SDK1: variants seen among roughly 807,000 people sequenced by gnomAD.
The protein encoded by SDK1 is sidekick cell adhesion molecule 1.
A neutral mutation model predicts 245.5 loss-of-function variants in SDK1; 157 were observed. The ratio of observed to expected loss-of-function variants is 0.64; its 90% confidence interval spans 0.56 to 0.73. The LOEUF (loss-of-function observed/expected upper bound fraction) is 0.73. Ranked by LOEUF, SDK1 falls within the 30% of genes least tolerant of loss-of-function variation. SDK1 has a pLI of 0.00. For synonymous variants in SDK1, 1,647 were observed against 1,278.5 expected (o/e 1.29, Z -6.15); for missense variants, 3,583 against 3,002.3 (o/e 1.19, Z -4.52).
At chr7:3,722,530 C>G (rs1423010170) in intron 4 of SDK1, among the ~76,000 whole-genome samples, 1 of 152,168 alleles carries the variant, frequency 6.6e-6, no homozygotes, top group Non-Finnish European at 1.5e-5. Flanking sequence ...CCTCTTCAAT[C>G]CTGTATCTAT....
At position 3,739,580 on chromosome 7, in the gene SDK1, A is replaced by G. The variant is rs573593821; in HGVS notation, c.714-81870A>G. 1.7e-3 allele frequency among the ~76,000 whole-genome samples: 265 copies of G among 152,240 alleles called. 1 individual carries two copies. Among genetic ancestry groups the G allele is most frequent in the African/African-American group, 6.1e-3 (253 of 41,544 alleles). The stretch of plus-strand genomic sequence containing the variant: ...AATATACTGTTGAGTCCCTCCAGTG[A>G]ATTTATTTGTTATTTTACCTTTTAA... On this transcript the variant is annotated intron_variant, in intron 4 of 44. Transcript: ENST00000404826.
At chr7:3,844,762 CAG>C (rs1460314061) in intron 5 of SDK1, among the ~76,000 whole-genome samples, 1 of 152,166 alleles carries the variant, frequency 6.6e-6, no homozygotes, top group African/African-American at 2.4e-5. Flanking sequence ...GCCTTGGAGA[CAG>C]AAGTCAGACC....
chr7:3,462,090 C>G (rs1780848855), intron 1 of SDK1, among the ~76,000 whole-genome samples: 1 of 152,142 alleles, frequency 6.6e-6, no homozygotes, highest in Non-Finnish European at 1.5e-5. Flanking sequence ...GCTGCCTCAG[C>G]CCACACCTTT....
At chr7:4,157,479 A>AAGGAAGGAAAGC (rs138212351) in intron 30 of SDK1, among the ~76,000 whole-genome samples, 2 of 102,474 alleles carry the variant, frequency 2.0e-5, no homozygotes, top group Admixed American at 1.0e-4. Flanking sequence ...GGAAGGAGGG[A>AAGGAAGGAAAGC]AGGAAGGGAG....
chr7:3,573,056 C>G (rs927803270), intron 1 of SDK1, among the ~76,000 whole-genome samples: 2 of 152,006 alleles, frequency 1.3e-5, no homozygotes, highest in African/African-American at 4.8e-5. Flanking sequence ...CCAGGCACAG[C>G]CAAGTGGGGC....
chr7:3,703,286 A>C (rs1311529101), intron 4 of SDK1, among the ~76,000 whole-genome samples: 1 of 152,196 alleles, frequency 6.6e-6, no homozygotes, highest in Non-Finnish European at 1.5e-5. Context: ...TCTGCATCAT[A>C]AAGGAGTGAG....
chr7:3,618,800 C>T (rs1781847844), intron 1 of SDK1, among the ~76,000 whole-genome samples: 1 of 152,152 alleles, frequency 6.6e-6, no homozygotes, highest in Admixed American at 6.5e-5. Context: ...CCGATATGTC[C>T]CTTCAATAAG....
chr7:3,803,775 G>C (rs1779170855), intron 4 of SDK1, among the ~76,000 whole-genome samples: 1 of 127,058 alleles, frequency 7.9e-6, no homozygotes, highest in Non-Finnish European at 1.6e-5. Context: ...TTGAGACAGA[G>C]TCTGGCCTGT....
chr7:3,352,377 T>G (rs1780682969), intron 1 of SDK1, among the ~76,000 whole-genome samples: 1 of 152,078 alleles, frequency 6.6e-6, no homozygotes, highest in African/African-American at 2.4e-5. Context: ...AGTAATTGTT[T>G]GAGCTAAATG....
At chr7:3,569,506 C>T (rs1299293091) in intron 1 of SDK1, among the ~76,000 whole-genome samples, 1 of 152,256 alleles carries the variant, frequency 6.6e-6, no homozygotes, top group Non-Finnish European at 1.5e-5. Flanking sequence ...CTCTGCACTT[C>T]ACGGCCCCTC....
intron 1 of SDK1, among the ~76,000 whole-genome samples, chr7:3,582,303 C>T (rs898819419): frequency 1.5e-4 from 21 of 143,380 alleles, no homozygotes; most frequent in African/African-American, 4.9e-4. Flanking sequence ...AGGTAGGTCT[C>T]CCTCAGGTAG....
chr7:3,829,404 C>T (rs1307906407), intron 5 of SDK1, among the ~76,000 whole-genome samples: 5 of 152,092 alleles, frequency 3.3e-5, no homozygotes, highest in South Asian at 2.1e-4. Context: ...GATATCGTCA[C>T]GTATATTTTC....
chr7:3,406,684 G>C (rs186608797), intron 1 of SDK1, among the ~76,000 whole-genome samples: 1 of 152,128 alleles, frequency 6.6e-6, no homozygotes, highest in Non-Finnish European at 1.5e-5. Flanking sequence ...TGTTTGACAC[G>C]AGGGGATGTT....
intron 1 of SDK1, among the ~76,000 whole-genome samples, chr7:3,492,443 G>A (rs1262477433): frequency 1.3e-5 from 2 of 152,188 alleles, no homozygotes; most frequent in Non-Finnish European, 2.9e-5. Flanking sequence ...GCGGTGAGCC[G>A]AGATCACGCC....
intron 4 of SDK1, among the ~76,000 whole-genome samples, chr7:3,785,928 G>A (rs1780886863): frequency 1.3e-5 from 2 of 152,160 alleles, no homozygotes; most frequent in Non-Finnish European, 2.9e-5. Context: ...AGGAAATGTG[G>A]TCTTTATTTC....
chr7:3,836,107 G>A (rs913465149), intron 5 of SDK1, among the ~76,000 whole-genome samples: 5 of 152,194 alleles, frequency 3.3e-5, no homozygotes, highest in African/African-American at 4.8e-5. Flanking sequence ...CAAGCCACAG[G>A]CCTCATTAGT....
In SDK1 at chr7:4,266,417, G is replaced by A. The variant is rs1175094521; in HGVS notation, c.*1033G>A. The A allele has an allele frequency of 2.3e-5, 23 of 985,190 alleles. No individual in the cohort carries two copies. Among genetic ancestry groups the A allele is most frequent in the Non-Finnish European group, 2.7e-5 (22 of 829,932 alleles). 61.0% of individuals were successfully genotyped at this position (985,190 alleles called of 1,614,324 possible). A position where few individuals can be genotyped will look rare whatever the true frequency, so the allele number is the denominator to read the frequency against. ...AACAGCTCTGAGAACACACGCTCCC[G>A]ACTCGCCTCGTGCACACCAGGCCGT... On this transcript the variant is annotated 3_prime_UTR_variant, in exon 45 of 45. Transcript: ENST00000404826.
At chr7:4,106,616 C>A (rs1389076350) in intron 22 of SDK1, among the ~76,000 whole-genome samples, 1 of 152,208 alleles carries the variant, frequency 6.6e-6, no homozygotes, top group Non-Finnish European at 1.5e-5. Flanking sequence ...TGTGACCGTG[C>A]AGTGGTTTCC....
chr7:3,776,822 G>T (rs2115006520), intron 4 of SDK1, among the ~76,000 whole-genome samples: 1 of 151,794 alleles, frequency 6.6e-6, no homozygotes, highest in African/African-American at 2.4e-5. Context: ...CCTTGGTTTT[G>T]TTACAGTGAC....
Sources: allele counts gnomAD v4.1 joint callset (sites outside exome capture counted in the v4.1 genomes callset), GRCh38; gene constraint gnomAD v4.1.1; transcripts MANE v1.5; gene names NCBI Gene and HGNC (gene_info 2026-07-23, HGNC 2026-07-21).